CBFA2T3: variants seen among roughly 807,000 people sequenced by gnomAD.
The protein encoded by CBFA2T3 is CBFA2/RUNX1 partner transcriptional co-repressor 3, also known as transcriptional corepressor CBFA2T3.
Under a neutral mutation model 58.6 loss-of-function variants are expected in CBFA2T3, and 31 were observed. The ratio of observed to expected loss-of-function variants is 0.53; its 90% CI spans 0.40 to 0.71. The LOEUF is 0.71. Ranked by LOEUF, CBFA2T3 falls within the 30% of genes least tolerant of loss-of-function variation. The pLI is 0.00. For synonymous variants in CBFA2T3, 531 were observed against 421.9 expected (o/e 1.26, Z -3.17); for missense variants, 1,076 against 963.1 (o/e 1.12, Z -1.55).
Position 88,891,868 on chromosome 16 carries a change from G to C in CBFA2T3, c.711+14C>G, listed in dbSNP as rs747589804. 1 of 1,591,034 alleles carries C rather than the reference G, an allele frequency of 6.3e-7. No individual in the cohort carries two copies. The highest frequency in any genetic ancestry group is 8.6e-7 in the Non-Finnish European group (1 of 1,160,916). On this transcript the variant is annotated intron_variant, in intron 5 of 11. Coordinates refer to ENST00000268679, the MANE Select transcript of CBFA2T3 (RefSeq NM_005187.6). ...GGGAGGCTCCCGCAGCACGGGGGAC[G>C]GGTTTCGCATTACCTTCAGGAAGGG...
At chr16:88,880,963 C>A in intron 9 of CBFA2T3, 175 bp from the exon 10 acceptor site, 2 of 678,578 alleles carry the variant, frequency 2.9e-6, no homozygotes. Context: ...AGTGCCCGGG[C>A]ACGGGGGGCA....
At chr16:88,916,090 A>G (rs532586441) in intron 1 of CBFA2T3, among the ~76,000 whole-genome samples, 15 of 149,388 alleles carry the variant, frequency 1.0e-4, no homozygotes, top group South Asian at 2.1e-4. Flanking sequence ...GTGTGTATTC[A>G]TGTGTGTGCA....
At chr16:88,878,272 G>A (rs1391218104) in intron 11 of CBFA2T3, among the ~76,000 whole-genome samples, 1 of 152,244 alleles carries the variant, frequency 6.6e-6, no homozygotes, top group Non-Finnish European at 1.5e-5. Context: ...TGTGCCTGTG[G>A]TGGTCTAGCT....
intron 1 of CBFA2T3, among the ~76,000 whole-genome samples, chr16:88,908,273 C>T (rs1433982808): frequency 6.6e-6 from 1 of 151,480 alleles, no homozygotes; most frequent in Non-Finnish European, 1.5e-5. Flanking sequence ...GCCTGGAAGG[C>T]AGAGGTTGCC....
intron 1 of CBFA2T3, among the ~76,000 whole-genome samples, chr16:88,956,245 A>G (rs908591234): frequency 1.3e-5 from 2 of 152,278 alleles, no homozygotes; most frequent in African/African-American, 4.8e-5. Context: ...GAGCCTGTTT[A>G]TCACGCGTGT....
At chr16:88,896,229 G>A (rs930192555) in intron 3 of CBFA2T3, among the ~76,000 whole-genome samples, 6 of 152,138 alleles carry the variant, frequency 3.9e-5, no homozygotes, top group South Asian at 2.1e-4. Flanking sequence ...CCTACGGGGG[G>A]GCTGCAGGAT....
At chr16:88,950,978 T>C (rs200833298) in intron 1 of CBFA2T3, 6,860 of 422,032 alleles carry the variant, frequency 0.016, 177 homozygotes, top group Non-Finnish European at 0.025. Flanking sequence ...GGTCAGAGTG[T>C]TGGCACCTGT....
intron 3 of CBFA2T3, among the ~76,000 whole-genome samples, chr16:88,895,432 C>T (rs946364299): frequency 2.6e-5 from 4 of 152,226 alleles, no homozygotes; most frequent in South Asian, 2.1e-4. Context: ...ACACAGGCTG[C>T]GCGGTTATCA....
chr16:88,889,836 C>T (rs557873628), intron 5 of CBFA2T3, among the ~76,000 whole-genome samples: 2 of 148,124 alleles, frequency 1.4e-5, no homozygotes, highest in Admixed American at 6.7e-5. Context: ...GACGATGCCC[C>T]GCGATTCCTC....
At chr16:88,937,143 G>A (rs905308281) in intron 1 of CBFA2T3, 4 of 152,266 alleles carry the variant, frequency 2.6e-5, no homozygotes, top group Non-Finnish European at 1.5e-5. Flanking sequence ...CCCGGCCTAC[G>A]GAAGCGCAGA....
At position 88,953,182 on chromosome 16, in the gene CBFA2T3, C is replaced by T. The variant is rs549089573; in HGVS notation, c.151+23475G>A. Among the ~76,000 whole-genome samples, 17 of 152,334 alleles carry T rather than the reference C, an allele frequency of 1.1e-4. No homozygotes were observed. Among genetic ancestry groups the T allele is most frequent in the East Asian group, 1.9e-4 (1 of 5,190 alleles). On this transcript the variant is annotated intron_variant, in intron 1 of 11. Coordinates refer to ENST00000268679, the MANE Select transcript of CBFA2T3 (RefSeq NM_005187.6). The surrounding 1 kb of genome is among the most constrained non-coding windows in gnomAD (Gnocchi z 4.9). ...GAGTGCCGTGCCTGGGCTGGGCCAT[C>T]GCCTCTCTCCCTCGGCTGGGTTTGT...
At chr16:88,913,870 G>C (rs1192671799) in intron 1 of CBFA2T3, among the ~76,000 whole-genome samples, 1 of 152,124 alleles carries the variant, frequency 6.6e-6, no homozygotes. Context: ...TTGGAAAGCT[G>C]TTTGTTGGTA....
chr16:88,959,655 C>T (rs1972312502), intron 1 of CBFA2T3, among the ~76,000 whole-genome samples: 1 of 152,230 alleles, frequency 6.6e-6, no homozygotes. Context: ...TTTCCTCCTC[C>T]TTCCTCCCAG....
At chr16:88,952,446 C>T (rs372563371) in intron 1 of CBFA2T3, among the ~76,000 whole-genome samples, 1 of 152,100 alleles carries the variant, frequency 6.6e-6, no homozygotes, top group Non-Finnish European at 1.5e-5. Context: ...GACAAATGCC[C>T]AGGCCATGGG....
At chr16:88,974,856 G>T (rs1012380588) in intron 1 of CBFA2T3, among the ~76,000 whole-genome samples, 1 of 152,130 alleles carries the variant, frequency 6.6e-6, no homozygotes, top group African/African-American at 2.4e-5. Flanking sequence ...GTCCCCTGGG[G>T]GCCTTGGGAG....
At chr16:88,880,571 C>T in intron 10 of CBFA2T3, 149 bp downstream of exon 10, 2 of 687,302 alleles carry the variant, frequency 2.9e-6, no homozygotes. Context: ...TCTGACCTCT[C>T]CGTGAGCCAC....
chr16:88,929,029 T>C (rs539636), intron 1 of CBFA2T3, among the ~76,000 whole-genome samples: 13,382 of 152,218 alleles, frequency 0.088, 1,287 homozygotes, highest in African/African-American at 0.24. Context: ...GCTCCGTTCC[T>C]GGAGAGCTGT....
At chr16:88,888,588 T>TGGGGGA (rs1438066287) in intron 5 of CBFA2T3, among the ~76,000 whole-genome samples, 5 of 3,154 alleles carry the variant, frequency 1.6e-3, no homozygotes, top group Admixed American at 3.8e-3. Flanking sequence ...GGGGGTGGGG[T>TGGGGGA]GGGGTGGGGT....
chr16:88,877,541 C>G (rs896138341), intron 11 of CBFA2T3, among the ~76,000 whole-genome samples: 1 of 152,230 alleles, frequency 6.6e-6, no homozygotes, highest in Non-Finnish European at 1.5e-5. Flanking sequence ...CCTGCCTCCT[C>G]TCCAGGAAGC....
Sources: allele counts gnomAD v4.1 joint callset (sites outside exome capture counted in the v4.1 genomes callset), GRCh38; gene constraint gnomAD v4.1.1; non-coding constraint Gnocchi (gnomAD v3.1); transcripts MANE v1.5; gene names NCBI Gene and HGNC (gene_info 2026-07-23, HGNC 2026-07-21).